The following MCC variants were observed in gnomAD, a reference collection of about 807,000 sequenced individuals.
The protein encoded by MCC is colorectal mutant cancer protein.
MCC carries 90 observed loss-of-function variants against 116.2 expected under a neutral mutation model. The ratio of observed to expected loss-of-function variants is 0.77; its 90% CI spans 0.65 to 0.92. MCC has a LOEUF of 0.92. MCC is among the 40% of genes least tolerant of loss of function. The pLI, the probability that MCC is intolerant of heterozygous loss-of-function variation, is 0.00. For missense variants in MCC, 1,516 were observed against 1,312.2 expected, an observed-to-expected ratio of 1.16 and a Z score of -2.40; for synonymous variants, 578 against 510.5, an observed-to-expected ratio of 1.13 and a Z score of -1.78.
intron 3 of MCC, among the ~76,000 whole-genome samples, chr5:113,337,323 G>A (rs1767893758): frequency 6.6e-6 from 1 of 152,182 alleles, no homozygotes; most frequent in Non-Finnish European, 1.5e-5. Flanking sequence ...TCTTGCAGAT[G>A]CCCCAATGGG....
At chr5:113,365,547 T>C (rs1461004901) in intron 2 of MCC, among the ~76,000 whole-genome samples, 1 of 152,224 alleles carries the variant, frequency 6.6e-6, no homozygotes, top group Non-Finnish European at 1.5e-5. Flanking sequence ...CCTCTGCCCA[T>C]TACCCAGTTC....
intron 17 of MCC, among the ~76,000 whole-genome samples, chr5:113,032,376 C>A (rs1751015010): frequency 6.9e-6 from 1 of 144,272 alleles, no homozygotes; most frequent in African/African-American, 2.6e-5. Flanking sequence ...CCACTGCGCT[C>A]CAACCTGGGA....
chr5:113,322,373 C>A (rs1767441515), intron 3 of MCC, among the ~76,000 whole-genome samples: 1 of 152,010 alleles, frequency 6.6e-6, no homozygotes, highest in Non-Finnish European at 1.5e-5. Context: ...AACTTCTTTT[C>A]ATGAATATAT....
intron 1 of MCC, among the ~76,000 whole-genome samples, chr5:113,389,755 C>T (rs569036277): frequency 1.4e-4 from 21 of 152,310 alleles, no homozygotes; most frequent in Admixed American, 6.5e-5. Flanking sequence ...CAGCAGACCC[C>T]ATCACATTTG....
chr5:113,430,302 T>A (rs189047619), intron 1 of MCC, among the ~76,000 whole-genome samples: 1 of 152,218 alleles, frequency 6.6e-6, no homozygotes, highest in South Asian at 2.1e-4. Flanking sequence ...AAATCTAATT[T>A]TGGACCATGA....
Position 113,027,471 on chromosome 5 carries a change from G to C in MCC, c.2891C>G (p.Ala964Gly), listed in dbSNP as rs1478645977. 6.2e-7 allele frequency: 1 copy of C among 1,614,118 alleles called. No homozygotes were observed. Residue 964 changes from alanine (A) to glycine (G), a missense_variant, in exon 19 of 19, where the codon GCT becomes GGT. Physicochemically the swap from Ala to Gly is moderately conservative, Grantham distance 60. Coordinates refer to ENST00000408903, the MANE Select transcript of MCC (RefSeq NM_001085377.2). ...DLKRANSNLV[A>G]AYEKAKKKHQ... ...CTTTTTCTTTGCTTTCTCATAGGCA[G>C]CCACCAGGTTGCTAGGTGGGAATGA...
chr5:113,217,700 G>A (rs1250857124), intron 3 of MCC, among the ~76,000 whole-genome samples: 4 of 150,816 alleles, frequency 2.7e-5, no homozygotes, highest in Admixed American at 6.6e-5. Context: ...CCCCTAATCT[G>A]ATGCTCCGGT....
At chr5:113,161,152 G>C (rs1760459654) in intron 3 of MCC, among the ~76,000 whole-genome samples, 1 of 151,998 alleles carries the variant, frequency 6.6e-6, no homozygotes, top group Non-Finnish European at 1.5e-5. Flanking sequence ...GTTATACAAG[G>C]GTTTTTGGAA....
chr5:113,039,576 C>A (rs963993298), intron 17 of MCC, among the ~76,000 whole-genome samples: 2 of 152,174 alleles, frequency 1.3e-5, no homozygotes, highest in African/African-American at 4.8e-5. Context: ...GCTCACTCAT[C>A]GGCAAGCAAG....
chr5:113,059,775 C>T (rs536751325), intron 14 of MCC, among the ~76,000 whole-genome samples: 1 of 152,318 alleles, frequency 6.6e-6, no homozygotes, highest in South Asian at 2.1e-4. Flanking sequence ...TCTTCCAGCA[C>T]AAAGCATACA....
chr5:113,362,630 T>G (rs913343092), intron 2 of MCC, among the ~76,000 whole-genome samples: 2 of 152,156 alleles, frequency 1.3e-5, no homozygotes, highest in African/African-American at 4.8e-5. Flanking sequence ...GTCAATTTTT[T>G]GCTTTTGTAT....
chr5:113,423,120 C>A (rs1241297664), intron 1 of MCC, among the ~76,000 whole-genome samples: 1 of 152,214 alleles, frequency 6.6e-6, no homozygotes, highest in Admixed American at 6.5e-5. Flanking sequence ...TGCCTTTGTT[C>A]TGGATCTCAT....
At chr5:113,431,846 C>G (rs1370570686) in intron 1 of MCC, among the ~76,000 whole-genome samples, 6 of 144,784 alleles carry the variant, frequency 4.1e-5, no homozygotes, top group Non-Finnish European at 7.6e-5. Context: ...ACTAAAAATA[C>G]AAAAATTAGG....
At chr5:113,320,367 A>C (rs1041918530) in intron 3 of MCC, among the ~76,000 whole-genome samples, 13 of 151,658 alleles carry the variant, frequency 8.6e-5, no homozygotes, top group Admixed American at 8.6e-4. Flanking sequence ...AGAAATGCAA[A>C]TTCAGATTCA....
intron 1 of MCC, among the ~76,000 whole-genome samples, chr5:113,483,136 T>C (rs1374215074): frequency 6.6e-6 from 1 of 152,194 alleles, no homozygotes; most frequent in African/African-American, 2.4e-5. Flanking sequence ...TATTTGTGTA[T>C]CGTTATGCTA....
intron 3 of MCC, among the ~76,000 whole-genome samples, chr5:113,229,531 G>A (rs573774969): frequency 1.3e-4 from 20 of 152,230 alleles, no homozygotes; most frequent in African/African-American, 4.8e-4. Flanking sequence ...AGGATTACTG[G>A]CCCAAACTTT....
chr5:113,029,922 G>A (rs1750839965), intron 17 of MCC, among the ~76,000 whole-genome samples: 1 of 152,194 alleles, frequency 6.6e-6, no homozygotes, highest in South Asian at 2.1e-4. Flanking sequence ...GTTCTAGAGT[G>A]GCAAGGACTT....
At chr5:113,417,552 G>C (rs898743036) in intron 1 of MCC, among the ~76,000 whole-genome samples, 3 of 152,190 alleles carry the variant, frequency 2.0e-5, no homozygotes, top group Admixed American at 6.5e-5. Context: ...GACAAACTTG[G>C]AAAGAACTTT....
intron 3 of MCC, among the ~76,000 whole-genome samples, chr5:113,263,983 T>C (rs1056558255): frequency 1.3e-5 from 2 of 152,070 alleles, no homozygotes; most frequent in African/African-American, 4.8e-5. Context: ...CCACCTGATT[T>C]TGCCTAAGTC....
Sources: allele counts gnomAD v4.1 joint callset (sites outside exome capture counted in the v4.1 genomes callset), GRCh38; gene constraint gnomAD v4.1.1; transcripts MANE v1.5; gene names NCBI Gene and HGNC (gene_info 2026-07-23, HGNC 2026-07-21).